The following THAP4 variants were observed in gnomAD, a reference collection of about 807,000 sequenced individuals.
THAP4 encodes the protein THAP domain containing 4.
A neutral mutation model predicts 48.1 loss-of-function variants in THAP4; 18 were observed. The observed-to-expected ratio is 0.37, with a 90% confidence interval of 0.26 to 0.56. The LOEUF (loss-of-function observed/expected upper bound fraction) is 0.56, where lower values mean the gene tolerates loss of function less well. Ranked by LOEUF, THAP4 falls within the 20% of genes least tolerant of loss-of-function variation. The pLI, the probability that THAP4 is intolerant of heterozygous loss-of-function variation, is 0.78. For missense variants in THAP4, 656 were observed against 774.9 expected (o/e 0.85, Z 1.82); for synonymous variants, 345 against 324.9 (o/e 1.06, Z -0.66).
chr2:241,619,516 G>A (rs1381000041), intron 2 of THAP4, among the ~76,000 whole-genome samples: 1 of 152,244 alleles, frequency 6.6e-6, no homozygotes, highest in Non-Finnish European at 1.5e-5. Context: ...TTGTAACACA[G>A]TGCCAAGGGT....
At position 241,601,264 on chromosome 2, in the gene THAP4, C is replaced by G. The variant is rs543706275; in HGVS notation, c.1614+632G>C. On this transcript the variant is annotated intron_variant, in intron 5 of 5. Transcript: ENST00000407315. The surrounding 1 kb of genome is among the most constrained non-coding windows in gnomAD (Gnocchi z 4.0). ...TTGCATTCCAGCCTGGGCAACAGAGCGAAACTCCGCCTCAAAAAAGAACAA... is the reference window on the plus strand; with the variant it reads ...TTGCATTCCAGCCTGGGCAACAGAGGGAAACTCCGCCTCAAAAAAGAACAA... Among the ~76,000 whole-genome samples the G allele has an allele frequency of 2.0e-5, 3 of 152,106 alleles. No individual in the cohort carries two copies. Among genetic ancestry groups the G allele is most frequent in the Admixed American group, 2.0e-4 (3 of 15,272 alleles).
intron 2 of THAP4, among the ~76,000 whole-genome samples, chr2:241,611,395 C>T (rs188019366): frequency 1.3e-5 from 2 of 152,314 alleles, no homozygotes; most frequent in Admixed American, 1.3e-4. Context: ...ACCCACCACC[C>T]GCCATAGAGA....
chr2:241,586,969 T>C (rs556090220), intron 5 of THAP4, among the ~76,000 whole-genome samples: 1 of 152,250 alleles, frequency 6.6e-6, no homozygotes, highest in African/African-American at 2.4e-5. Context: ...CCTAACAAAA[T>C]ATATCAAGCC....
At chr2:241,617,185 G>GA (rs1188050969) in intron 2 of THAP4, among the ~76,000 whole-genome samples, 2 of 152,014 alleles carry the variant, frequency 1.3e-5, no homozygotes, top group African/African-American at 4.8e-5. Context: ...TACTTCATTA[G>GA]AAAAAAATAA....
chr2:241,614,156 A>C (rs993934529), intron 2 of THAP4, among the ~76,000 whole-genome samples: 25 of 150,178 alleles, frequency 1.7e-4, no homozygotes, highest in Non-Finnish European at 3.4e-4. Flanking sequence ...CCCTGCCTTG[A>C]GAAAAAAAAA....
At chr2:241,632,472 T>A (rs2067577971) in intron 2 of THAP4, among the ~76,000 whole-genome samples, 1 of 152,188 alleles carries the variant, frequency 6.6e-6, no homozygotes, top group Admixed American at 6.5e-5. Context: ...TCAAGGATAT[T>A]CCTTAAAACG....
At chr2:241,591,039 C>A (rs71430367) in intron 5 of THAP4, among the ~76,000 whole-genome samples, 1 of 114,042 alleles carries the variant, frequency 8.8e-6, no homozygotes, top group East Asian at 2.8e-4. Flanking sequence ...GCCCGGCTGA[C>A]GATGATGGGC....
intron 2 of THAP4, among the ~76,000 whole-genome samples, chr2:241,619,419 T>C (rs990071419): frequency 6.6e-6 from 1 of 152,236 alleles, no homozygotes; most frequent in South Asian, 2.1e-4. Context: ...CAGAGTGCAC[T>C]TACCGCGTAC....
intron 2 of THAP4, among the ~76,000 whole-genome samples, chr2:241,620,670 C>G (rs1390488519): frequency 6.6e-6 from 1 of 151,548 alleles, no homozygotes; most frequent in East Asian, 1.9e-4. Flanking sequence ...GTGACTGAGG[C>G]AGTGACTGCG....
chr2:241,592,270 C>A (rs1163857933), intron 5 of THAP4: 1 of 152,438 alleles, frequency 6.6e-6, no homozygotes, highest in Non-Finnish European at 1.5e-5. Flanking sequence ...AAGGCACGTG[C>A]TACACAGACT....
rs202172466 is a variant in THAP4 at position 241,632,869 on chromosome 2, C to G, written c.1240+48G>C. 254 of 1,447,098 alleles carry G rather than the reference C, an allele frequency of 1.8e-4. No homozygotes were observed. In the African/African-American group the frequency reaches 3.4e-3, roughly 20 times the overall value. The allele number at this position is 1,447,098 out of a possible 1,614,324, so 89.6% of individuals were successfully genotyped here. ...GACGCTGGCCACCTTGCAGAGAAAC[C>G]CCTCCTAACGGGAAGGGAACATGGG... is the stretch of plus-strand genomic sequence containing the variant. On this transcript the variant is annotated intron_variant, in intron 2 of 5. Transcript: ENST00000407315.
intron 5 of THAP4, among the ~76,000 whole-genome samples, chr2:241,600,615 C>T (rs2067100525): frequency 1.3e-5 from 2 of 151,190 alleles, no homozygotes; most frequent in Admixed American, 6.6e-5. Context: ...GTAGTCCCAG[C>T]TACTCGGGAG....
At chr2:241,622,327 C>A (rs984881869) in intron 2 of THAP4, among the ~76,000 whole-genome samples, 1 of 152,078 alleles carries the variant, frequency 6.6e-6, no homozygotes, top group Non-Finnish European at 1.5e-5. Flanking sequence ...ATGATCACGC[C>A]ACTGCACCCC....
intron 2 of THAP4, among the ~76,000 whole-genome samples, chr2:241,627,884 C>A (rs1426210061): frequency 1.3e-5 from 2 of 152,168 alleles, no homozygotes; most frequent in African/African-American, 4.8e-5. Context: ...GGTGCCTGCA[C>A]CTGTCCCTTG....
intron 2 of THAP4, among the ~76,000 whole-genome samples, chr2:241,608,933 G>A (rs1389471624): frequency 1.3e-5 from 2 of 152,216 alleles, no homozygotes; most frequent in Non-Finnish European, 2.9e-5. Context: ...CAGAGACGGA[G>A]GTCCTGGGTA....
At chr2:241,611,571 A>C (rs2125084352) in intron 2 of THAP4, among the ~76,000 whole-genome samples, 1 of 152,166 alleles carries the variant, frequency 6.6e-6, no homozygotes, top group African/African-American at 2.4e-5. Context: ...AAAAATATAA[A>C]AAACTAGCCG....
chr2:241,603,113 A>C, intron 3 of THAP4, 34 bp from the exon 4 acceptor site: 1 of 1,567,438 alleles, frequency 6.4e-7, no homozygotes. Flanking sequence ...AAGCCCAGGC[A>C]CTGGCCTCCA....
chr2:241,635,267 A>G (rs1470159395), intron 1 of THAP4, among the ~76,000 whole-genome samples: 1 of 152,194 alleles, frequency 6.6e-6, no homozygotes, highest in African/African-American at 2.4e-5. Context: ...CCTGGGTGAC[A>G]GAGTGGGACT....
At chr2:241,626,425 G>C (rs1277840242) in intron 2 of THAP4, among the ~76,000 whole-genome samples, 2 of 151,820 alleles carry the variant, frequency 1.3e-5, no homozygotes, top group East Asian at 3.9e-4. Context: ...TGGGCAACAA[G>C]AGCGAAACTA....
Sources: allele counts gnomAD v4.1 joint callset (sites outside exome capture counted in the v4.1 genomes callset), GRCh38; gene constraint gnomAD v4.1.1; non-coding constraint Gnocchi (gnomAD v3.1); transcripts MANE v1.5; gene names NCBI Gene and HGNC (gene_info 2026-07-23, HGNC 2026-07-21).